The following RGL1 variants were observed in gnomAD, a reference collection of about 807,000 sequenced individuals.
The protein encoded by RGL1 is ral guanine nucleotide dissociation stimulator-like 1.
A neutral mutation model predicts 95.2 loss-of-function variants in RGL1; 24 were observed. The ratio of observed to expected loss-of-function variants is 0.25; its 90% CI spans 0.18 to 0.35. The LOEUF is 0.35. Among genes scored for constraint, RGL1 ranks in the 10% least tolerant of loss-of-function variants. The pLI, the probability that RGL1 is intolerant of heterozygous loss-of-function variation, is 1.00. For missense variants in RGL1, 715 were observed against 936.3 expected (o/e 0.76, Z 3.08); for synonymous variants, 329 against 344.9 (o/e 0.95, Z 0.51).
chr1:183,698,698 T>C (rs1654399933), intron 1 of RGL1, among the ~76,000 whole-genome samples: 1 of 152,280 alleles, frequency 6.6e-6, no homozygotes, highest in Non-Finnish European at 1.5e-5. Flanking sequence ...TTATCCAATA[T>C]AGTTTTAAGA....
At chr1:183,678,715 T>A (rs938849007) in intron 1 of RGL1, among the ~76,000 whole-genome samples, 18 of 152,126 alleles carry the variant, frequency 1.2e-4, no homozygotes, top group African/African-American at 1.7e-4. Context: ...TTTCTTTTTT[T>A]AAAAAAGTTG....
chr1:183,780,184 A>G (rs1248222870), intron 2 of RGL1, among the ~76,000 whole-genome samples: 1 of 152,156 alleles, frequency 6.6e-6, no homozygotes, highest in Non-Finnish European at 1.5e-5. Flanking sequence ...GTGGGTTCAT[A>G]ATGTTTCTAA....
At chr1:183,825,138 G>T (rs1026542513) in intron 2 of RGL1, among the ~76,000 whole-genome samples, 4 of 152,150 alleles carry the variant, frequency 2.6e-5, no homozygotes, top group African/African-American at 9.7e-5. Context: ...AGTAGAAACA[G>T]GGATTCTGTG....
At chr1:183,774,377 A>AT (rs1359104481) in intron 2 of RGL1, among the ~76,000 whole-genome samples, 1 of 152,198 alleles carries the variant, frequency 6.6e-6, no homozygotes, top group Non-Finnish European at 1.5e-5. Context: ...GGGACAGATG[A>AT]TTTTTAAACA....
At chr1:183,915,928 T>C (rs1447876764) in intron 15 of RGL1, among the ~76,000 whole-genome samples, 2 of 152,136 alleles carry the variant, frequency 1.3e-5, no homozygotes, top group Non-Finnish European at 2.9e-5. Context: ...GCAGAACAGG[T>C]ATGGGACTAG....
chr1:183,782,582 T>C (rs1258064987), intron 2 of RGL1, among the ~76,000 whole-genome samples: 1 of 152,212 alleles, frequency 6.6e-6, no homozygotes, highest in African/African-American at 2.4e-5. Context: ...TGAACAGGAA[T>C]AGTATAATAC....
intron 3 of RGL1, among the ~76,000 whole-genome samples, chr1:183,859,642 G>T (rs1665383809): frequency 6.6e-6 from 1 of 152,186 alleles, no homozygotes; most frequent in Non-Finnish European, 1.5e-5. Flanking sequence ...GGCAGCTTTT[G>T]TTGGGTCTTC....
chr1:183,718,938 C>T (rs908331298), intron 1 of RGL1, among the ~76,000 whole-genome samples: 1 of 151,762 alleles, frequency 6.6e-6, no homozygotes, highest in Non-Finnish European at 1.5e-5. Flanking sequence ...AACAAAAAAA[C>T]GAAAACGAAC....
chr1:183,703,571 G>A (rs559921632), intron 1 of RGL1, among the ~76,000 whole-genome samples: 16 of 152,160 alleles, frequency 1.1e-4, no homozygotes, highest in East Asian at 1.9e-4. Flanking sequence ...TGTTTGAAGC[G>A]ATTTATAGTA....
At chr1:183,742,341 C>A (rs755432167) in intron 2 of RGL1, 1 of 1,607,390 alleles carries the variant, frequency 6.2e-7, no homozygotes. Flanking sequence ...TTGTTTATAC[C>A]TGAGACCATA....
intron 2 of RGL1, among the ~76,000 whole-genome samples, chr1:183,816,149 A>G (rs1040748518): frequency 1.1e-4 from 16 of 151,960 alleles, no homozygotes; most frequent in African/African-American, 3.6e-4. Flanking sequence ...GGGCTCCAAC[A>G]TTTTGCATTT....
At chr1:183,785,734 G>A (rs1660123089) in intron 2 of RGL1, among the ~76,000 whole-genome samples, 1 of 152,192 alleles carries the variant, frequency 6.6e-6, no homozygotes. Context: ...AACGTAATTT[G>A]TGAGTGCTGG....
intron 1 of RGL1, among the ~76,000 whole-genome samples, chr1:183,684,299 A>G (rs1653417144): frequency 6.6e-6 from 1 of 152,164 alleles, no homozygotes; most frequent in East Asian, 1.9e-4. Flanking sequence ...CCTCATCTTC[A>G]TGGATTTATC....
chr1:183,881,275 CA>C (rs1666810202), intron 5 of RGL1, among the ~76,000 whole-genome samples: 1 of 152,178 alleles, frequency 6.6e-6, no homozygotes, highest in African/African-American at 2.4e-5. Context: ...CCTGCCCTCC[CA>C]AAAGCTTGGA....
intron 2 of RGL1, among the ~76,000 whole-genome samples, chr1:183,832,947 T>A (rs2500115): frequency 0.81 from 122,648 of 152,046 alleles, 49,586 homozygotes; most frequent in Middle Eastern, 0.88. Context: ...AACATTTCCA[T>A]AGGATTGACA....
At chr1:183,726,074 T>C (rs1056328367) in intron 1 of RGL1, among the ~76,000 whole-genome samples, 11 of 151,894 alleles carry the variant, frequency 7.2e-5, no homozygotes, top group Non-Finnish European at 1.6e-4. Flanking sequence ...GGTTTAAAGA[T>C]GAAATAAAAA....
chr1:183,914,890 C>T (rs533976610), intron 15 of RGL1, among the ~76,000 whole-genome samples: 47 of 152,124 alleles, frequency 3.1e-4, no homozygotes, highest in Admixed American at 4.6e-4. Flanking sequence ...GGAAAATGCA[C>T]CCCCTTAACT....
Position 183,926,448 on chromosome 1 carries a change from C to A in RGL1, c.*156C>A. On this transcript the variant is annotated 3_prime_UTR_variant, in exon 18 of 18. Coordinates refer to ENST00000360851, the MANE Select transcript of RGL1 (RefSeq NM_001297671.3). Reference sequence around the variant, plus strand: ...GGTGTGCAAAGCATTATGATAGGCACCGTGGGGAAACTGGAAATGAATTTG... The same window carrying A: ...GGTGTGCAAAGCATTATGATAGGCAACGTGGGGAAACTGGAAATGAATTTG... The A allele has an allele frequency of 4.0e-6, 2 of 505,096 alleles. No homozygotes were observed. The highest frequency in any genetic ancestry group is 3.4e-6 in the Non-Finnish European group (1 of 291,592). 31.3% of individuals were successfully genotyped at this position (505,096 alleles called of 1,614,324 possible).
intron 14 of RGL1, among the ~76,000 whole-genome samples, chr1:183,910,086 TTTCC>T (rs945304236): frequency 1.1e-4 from 16 of 152,102 alleles, no homozygotes; most frequent in African/African-American, 3.1e-4. Context: ...TTCTTTCTTC[TTTCC>T]TTCCTTCCTT....
Sources: gnomAD v4.1 joint callset for allele counts (sites outside exome capture counted in the v4.1 genomes callset) on GRCh38, gnomAD v4.1.1 for gene constraint, MANE v1.5 for transcripts, NCBI Gene and HGNC (gene_info 2026-07-23, HGNC 2026-07-21) for gene names.